The following CSNK1G1 variants were observed in gnomAD, a reference collection of about 807,000 sequenced individuals.
The protein encoded by CSNK1G1 is casein kinase 1 gamma 1, also known as casein kinase I isoform gamma-1.
A neutral mutation model predicts 59.6 loss-of-function variants in CSNK1G1; 22 were observed. The observed-to-expected ratio is 0.37, with a 90% CI of 0.26 to 0.53. The LOEUF (loss-of-function observed/expected upper bound fraction) is 0.53, where lower values mean the gene tolerates loss of function less well. CSNK1G1 is among the 20% of genes least tolerant of loss of function. CSNK1G1 has a pLI of 0.89. For synonymous variants in CSNK1G1, 179 were observed against 177.1 expected (o/e 1.01, Z -0.08); for missense variants, 384 against 519.5 (o/e 0.74, Z 2.54).
At chr15:64,184,676 C>CA (rs59052389) in intron 10 of CSNK1G1, among the ~76,000 whole-genome samples, 15,327 of 81,130 alleles carry the variant, frequency 0.19, 1,064 homozygotes, top group Middle Eastern at 0.29. Flanking sequence ...AACTCTGTCT[C>CA]AAAAAAAAAA....
intron 1 of CSNK1G1, among the ~76,000 whole-genome samples, chr15:64,333,013 T>C (rs1897194665): frequency 6.6e-6 from 1 of 152,018 alleles, no homozygotes; most frequent in African/African-American, 2.4e-5. Flanking sequence ...TCCCAGCACT[T>C]TGGGAGGCCA....
intron 1 of CSNK1G1, among the ~76,000 whole-genome samples, chr15:64,344,286 C>T (rs1036985679): frequency 1.3e-5 from 2 of 152,138 alleles, no homozygotes; most frequent in Admixed American, 1.3e-4. Flanking sequence ...CCTGAATTCA[C>T]CAGATGCATA....
rs1189338740 is a variant in CSNK1G1, at chr15:64,216,187, T to C, written c.444+375A>G. ...TTGCACTGAGCTATGATCATGCTAC[T>C]GTACTCTAGCCTGGGTGACAGAGAC... is the stretch of plus-strand genomic sequence containing the variant. On this transcript the variant is annotated intron_variant, in intron 5 of 11. Transcript: ENST00000303052. The surrounding 1 kb of genome is among the most constrained non-coding windows in gnomAD (Gnocchi z 4.6). Among the ~76,000 whole-genome samples the C allele has an allele frequency of 6.6e-6, 1 of 152,100 alleles. No individual in the cohort carries two copies. The highest frequency in any genetic ancestry group is 6.6e-5 in the Admixed American group (1 of 15,262).
At chr15:64,256,519 C>A (rs1892380196) in intron 3 of CSNK1G1, among the ~76,000 whole-genome samples, 1 of 152,158 alleles carries the variant, frequency 6.6e-6, no homozygotes. Flanking sequence ...CCTGCTCAGC[C>A]AATTGGGCTT....
chr15:64,277,373 G>A (rs531863363), intron 2 of CSNK1G1, among the ~76,000 whole-genome samples: 1 of 151,968 alleles, frequency 6.6e-6, no homozygotes, highest in Non-Finnish European at 1.5e-5. Flanking sequence ...GCTGAGATGG[G>A]AGGATCCTTT....
rs66467610 is a variant in CSNK1G1, at chr15:64,309,309, A to AACACACACAC, written c.-224-8596_-224-8587dup. Among the ~76,000 whole-genome samples the AACACACACAC allele has an allele frequency of 1.8e-3, 265 of 146,496 alleles. 1 individual carries two copies. Among genetic ancestry groups the AACACACACAC allele is most frequent in the African/African-American group, 6.2e-3 (244 of 39,440 alleles). On this transcript the variant is annotated intron_variant, in intron 1 of 11. Transcript: ENST00000303052. The stretch of plus-strand genomic sequence containing the variant: ...AAGTTCTCAAATACTTAGTGAATAA[A>AACACACACAC]ACACACACACACACACACACACACA...
At chr15:64,252,305 G>T (rs544248952) in intron 3 of CSNK1G1, among the ~76,000 whole-genome samples, 1 of 151,754 alleles carries the variant, frequency 6.6e-6, no homozygotes, top group East Asian at 1.9e-4. Flanking sequence ...AAACCTCCCA[G>T]GCTCAAGTCA....
chr15:64,265,336 T>C (rs1006158168), intron 2 of CSNK1G1, among the ~76,000 whole-genome samples: 17 of 152,168 alleles, frequency 1.1e-4, no homozygotes, highest in African/African-American at 4.1e-4. Context: ...ATAAGTCCCA[T>C]GTATAGTGGG....
chr15:64,186,042 T>C (rs958232381), intron 10 of CSNK1G1, among the ~76,000 whole-genome samples: 1 of 152,140 alleles, frequency 6.6e-6, no homozygotes, highest in South Asian at 2.1e-4. Flanking sequence ...TTTATTATTA[T>C]ATTAGGGATT....
At chr15:64,221,320 G>A (rs868316417) in intron 4 of CSNK1G1, among the ~76,000 whole-genome samples, 10 of 152,160 alleles carry the variant, frequency 6.6e-5, no homozygotes, top group Non-Finnish European at 1.5e-4. Flanking sequence ...ATAATCCTTA[G>A]TATCAAATCT....
At chr15:64,278,666 AT>A (rs1188749391) in intron 2 of CSNK1G1, among the ~76,000 whole-genome samples, 1 of 152,040 alleles carries the variant, frequency 6.6e-6, no homozygotes, top group Non-Finnish European at 1.5e-5. Context: ...TGACCTCGTG[AT>A]CTGCCCGCCT....
At chr15:64,198,351 G>A (rs899775677) in intron 10 of CSNK1G1, among the ~76,000 whole-genome samples, 2 of 151,516 alleles carry the variant, frequency 1.3e-5, no homozygotes, top group Non-Finnish European at 2.9e-5. Context: ...GATTACAGGC[G>A]CCCACCACCA....
Position 64,168,052 on chromosome 15 carries a change from T to C in CSNK1G1, c.*3879A>G, listed in dbSNP as rs987587224. On this transcript the variant is annotated 3_prime_UTR_variant, in exon 12 of 12. Coordinates refer to ENST00000303052, the MANE Select transcript of CSNK1G1 (RefSeq NM_022048.5). Reference sequence around the variant, plus strand: ...ACTGAACTAAGTTTGGAAATTACTTTAGGGGTGATGGTCACCTTTTCTGGC... The same window carrying C: ...ACTGAACTAAGTTTGGAAATTACTTCAGGGGTGATGGTCACCTTTTCTGGC... 3 of 152,424 alleles carry C rather than the reference T, an allele frequency of 2.0e-5. No individual in the cohort carries two copies. Among genetic ancestry groups the C allele is most frequent in the Admixed American group, 2.0e-4 (3 of 15,284 alleles). The allele number at this position is 152,424 out of a possible 1,614,324, so 9.4% of individuals were successfully genotyped here.
At chr15:64,348,218 G>T (rs1254538172) in intron 1 of CSNK1G1, 2 of 152,166 alleles carry the variant, frequency 1.3e-5, no homozygotes, top group Admixed American at 6.6e-5. Context: ...GTGAAACTAT[G>T]TGTAGGAAAC....
At chr15:64,272,930 C>T (rs1893401936) in intron 2 of CSNK1G1, among the ~76,000 whole-genome samples, 1 of 151,736 alleles carries the variant, frequency 6.6e-6, no homozygotes, top group African/African-American at 2.4e-5. Context: ...TCTCAAACTC[C>T]TGTGCTCAAG....
chr15:64,274,687 AC>A (rs770455373), intron 2 of CSNK1G1, among the ~76,000 whole-genome samples: 12 of 152,136 alleles, frequency 7.9e-5, no homozygotes, highest in Admixed American at 2.0e-4. Context: ...TGTCCATAAA[AC>A]CCTCTGCATG....
At chr15:64,203,694 T>TAA (rs531367701) in intron 9 of CSNK1G1, among the ~76,000 whole-genome samples, 3,024 of 56,114 alleles carry the variant, frequency 0.054, 107 homozygotes, top group Non-Finnish European at 0.078. Context: ...TGAAACTCCG[T>TAA]AAAAAAAAAA....
At position 64,166,668 on chromosome 15, in the gene CSNK1G1, C is replaced by T. The variant is rs1428764175; in HGVS notation, c.*5263G>A. On this transcript the variant is annotated 3_prime_UTR_variant, in exon 12 of 12. Transcript: ENST00000303052. The surrounding 1 kb of genome is among the most constrained non-coding windows in gnomAD (Gnocchi z 4.5). Reference sequence around the variant, plus strand: ...CATTCCTAATAGACTGATAAGCCTTCTAAAAAAGGCTTTTGGTGCAAGGGC... The same window carrying T: ...CATTCCTAATAGACTGATAAGCCTTTTAAAAAAGGCTTTTGGTGCAAGGGC... 6.6e-6 allele frequency: 1 copy of T among 152,648 alleles called. No individual in the cohort carries two copies. Among genetic ancestry groups the T allele is most frequent in the Non-Finnish European group, 1.5e-5 (1 of 68,064 alleles). 9.5% of individuals were successfully genotyped at this position (152,648 alleles called of 1,614,324 possible). A position where few individuals can be genotyped will look rare whatever the true frequency, so the allele number is the denominator to read the frequency against.
rs1430103156 is a variant in CSNK1G1, at chr15:64,166,321, G to A, written c.*5610C>T. Reference sequence around the variant, plus strand: ...GCTGAATCAACATTATTTTCCATTGGGGGGTATATATTTTTGGTTTATCTT... The same window carrying A: ...GCTGAATCAACATTATTTTCCATTGAGGGGTATATATTTTTGGTTTATCTT... On this transcript the variant is annotated 3_prime_UTR_variant, in exon 12 of 12. Transcript: ENST00000303052. The surrounding 1 kb of genome is among the most constrained non-coding windows in gnomAD (Gnocchi z 4.5). 2 of 284,430 alleles carry A rather than the reference G, an allele frequency of 7.0e-6. No individual in the cohort carries two copies. The highest frequency in any genetic ancestry group is 5.8e-5 in the East Asian group (1 of 17,148). 17.6% of individuals were successfully genotyped at this position (284,430 alleles called of 1,614,324 possible). A position where few individuals can be genotyped will look rare whatever the true frequency, so the allele number is the denominator to read the frequency against.
Sources: gnomAD v4.1 joint callset for allele counts (sites outside exome capture counted in the v4.1 genomes callset) on GRCh38, gnomAD v4.1.1 for gene constraint, Gnocchi (gnomAD v3.1) non-coding constraint, MANE v1.5 for transcripts, NCBI Gene and HGNC (gene_info 2026-07-23, HGNC 2026-07-21) for gene names.